Variants in MACROD2 observed in about 807,000 individuals in gnomAD.
The protein encoded by MACROD2 is mono-ADP ribosylhydrolase 2.
MACROD2 carries 36 observed loss-of-function variants against 70.4 expected under a neutral mutation model. The ratio of observed to expected loss-of-function variants is 0.51; its 90% CI spans 0.39 to 0.68. The LOEUF is 0.68. MACROD2 is among the 30% of genes least tolerant of loss of function. The pLI is 0.00. For missense variants in MACROD2, 496 were observed against 538.4 expected, an observed-to-expected ratio of 0.92 and a Z score of 0.78; for synonymous variants, 172 against 178.8, an observed-to-expected ratio of 0.96 and a Z score of 0.30.
chr20:15,595,285 A>C (rs574783064), intron 8 of MACROD2, among the ~76,000 whole-genome samples: 13 of 152,210 alleles, frequency 8.5e-5, no homozygotes, highest in Middle Eastern at 3.2e-3. Context: ...ATAGTTCACA[A>C]TTAAAAACTT....
At chr20:14,411,744 C>G (rs952369977) in intron 3 of MACROD2, among the ~76,000 whole-genome samples, 1 of 151,996 alleles carries the variant, frequency 6.6e-6, no homozygotes. Context: ...CAAGCTGCCC[C>G]CTACCAGCAC....
chr20:16,007,311 C>A (rs539441230), intron 15 of MACROD2, among the ~76,000 whole-genome samples: 13 of 152,290 alleles, frequency 8.5e-5, no homozygotes, highest in Non-Finnish European at 1.8e-4. Flanking sequence ...ACTAGACTAT[C>A]CCAGCCAACG....
intron 5 of MACROD2, among the ~76,000 whole-genome samples, chr20:14,915,785 C>A (rs2074084543): frequency 6.6e-6 from 1 of 152,160 alleles, no homozygotes; most frequent in African/African-American, 2.4e-5. Context: ...AAATAAATTA[C>A]TAAACCAATT....
At chr20:15,325,939 C>T (rs893582254) in intron 6 of MACROD2, among the ~76,000 whole-genome samples, 1 of 152,166 alleles carries the variant, frequency 6.6e-6, no homozygotes, top group African/African-American at 2.4e-5. Context: ...TCCCCTGTGA[C>T]ATTTTTATAT....
chr20:14,812,986 T>C (rs1295960581), intron 5 of MACROD2, among the ~76,000 whole-genome samples: 2 of 152,080 alleles, frequency 1.3e-5, no homozygotes, highest in East Asian at 3.9e-4. Context: ...ATGAATTTGC[T>C]GGAGTGGCTC....
intron 5 of MACROD2, among the ~76,000 whole-genome samples, chr20:14,925,865 G>A (rs1600833526): frequency 6.6e-6 from 1 of 152,168 alleles, no homozygotes; most frequent in Non-Finnish European, 1.5e-5. Flanking sequence ...AGAGATACAG[G>A]ATAGGATTAT....
chr20:15,594,365 G>A (rs191049826), intron 8 of MACROD2, among the ~76,000 whole-genome samples: 1 of 152,166 alleles, frequency 6.6e-6, no homozygotes, highest in African/African-American at 2.4e-5. Context: ...ATTACTCCAT[G>A]ACAGCCACTT....
At chr20:15,850,339 A>C (rs1690577399) in intron 8 of MACROD2, among the ~76,000 whole-genome samples, 1 of 152,208 alleles carries the variant, frequency 6.6e-6, no homozygotes, top group Non-Finnish European at 1.5e-5. Context: ...CCAGGGTGAC[A>C]GGCATTAATT....
chr20:15,385,497 A>G (rs1390478903), intron 6 of MACROD2, among the ~76,000 whole-genome samples: 1 of 152,138 alleles, frequency 6.6e-6, no homozygotes, highest in East Asian at 1.9e-4. Flanking sequence ...TGAGCAAACC[A>G]TGGGGACATA....
intron 7 of MACROD2, among the ~76,000 whole-genome samples, chr20:15,432,836 A>C (rs1377957553): frequency 6.6e-6 from 1 of 152,064 alleles, no homozygotes; most frequent in Non-Finnish European, 1.5e-5. Flanking sequence ...TAATGTGTTA[A>C]GAGCTTCAAA....
At chr20:15,703,703 C>T (rs2050493066) in intron 8 of MACROD2, among the ~76,000 whole-genome samples, 1 of 152,112 alleles carries the variant, frequency 6.6e-6, no homozygotes, top group Admixed American at 6.5e-5. Context: ...TGAAGTTGCA[C>T]TTACAATGCT....
At chr20:14,232,559 A>T (rs1450095378) in intron 3 of MACROD2, among the ~76,000 whole-genome samples, 1 of 152,210 alleles carries the variant, frequency 6.6e-6, no homozygotes, top group Non-Finnish European at 1.5e-5. Context: ...AAACCTCAGG[A>T]ACCTACCTCC....
chr20:14,697,015 T>C (rs566318317), intron 5 of MACROD2, among the ~76,000 whole-genome samples: 1 of 152,342 alleles, frequency 6.6e-6, no homozygotes, highest in South Asian at 2.1e-4. Context: ...TAATATGTTT[T>C]GTGAATATGG....
chr20:14,244,738 A>C (rs2081955905), intron 3 of MACROD2, among the ~76,000 whole-genome samples: 1 of 152,252 alleles, frequency 6.6e-6, no homozygotes, highest in Non-Finnish European at 1.5e-5. Context: ...CATTTTTAAC[A>C]GATAAATTAC....
chr20:15,617,889 G>T (rs1252149106), intron 8 of MACROD2, among the ~76,000 whole-genome samples: 1 of 152,110 alleles, frequency 6.6e-6, no homozygotes, highest in Non-Finnish European at 1.5e-5. Flanking sequence ...ATATTGAAGG[G>T]TGGGGACAGG....
chr20:15,472,776 A>T (rs2046977986), intron 7 of MACROD2, among the ~76,000 whole-genome samples: 1 of 152,104 alleles, frequency 6.6e-6, no homozygotes, highest in South Asian at 2.1e-4. Flanking sequence ...CCATAACTAA[A>T]CTTGGTGCAG....
chr20:15,068,816 T>C (rs1355283534), intron 5 of MACROD2, among the ~76,000 whole-genome samples: 1 of 152,078 alleles, frequency 6.6e-6, no homozygotes, highest in East Asian at 1.9e-4. Flanking sequence ...CACAGAAAAT[T>C]GTTACTGAGA....
chr20:15,435,475 G>A (rs1237529130), intron 7 of MACROD2, among the ~76,000 whole-genome samples: 1 of 152,018 alleles, frequency 6.6e-6, no homozygotes, highest in African/African-American at 2.4e-5. Context: ...TTTCTAAAGT[G>A]ATTGAATCAA....
In MACROD2 at chr20:15,933,189, T is replaced by C. The variant is rs1244991089; in HGVS notation, c.776-87T>C. 2.3e-6 allele frequency: 3 copies of C among 1,322,560 alleles called. No homozygotes were observed. The African/African-American group carries it at 4.3e-5, about 19-fold the overall frequency. The allele number at this position is 1,322,560 out of a possible 1,614,324, so 81.9% of individuals were successfully genotyped here. The stretch of plus-strand genomic sequence containing the variant: ...GGGAGTCATGCTACATTGGTTACAA[T>C]TAATTTCAGTGCTGCATATTAGCCG... On this transcript the variant is annotated intron_variant, in intron 10 of 17. Coordinates refer to ENST00000684519, the MANE Select transcript of MACROD2 (RefSeq NM_001351661.2).
Sources: gnomAD v4.1 joint callset for allele counts (sites outside exome capture counted in the v4.1 genomes callset) on GRCh38, gnomAD v4.1.1 for gene constraint, MANE v1.5 for transcripts, NCBI Gene and HGNC (gene_info 2026-07-23, HGNC 2026-07-21) for gene names.